Variants in KCNN2 observed in about 807,000 individuals in gnomAD.
KCNN2 encodes the protein small conductance calcium-activated potassium channel protein 2.
Under a neutral mutation model 55.5 loss-of-function variants are expected in KCNN2, and 24 were observed. That is an observed-to-expected ratio of 0.43 (90% CI 0.31 to 0.61). The LOEUF is 0.61. KCNN2 is among the 20% of genes least tolerant of loss of function. The pLI, the probability that KCNN2 is intolerant of heterozygous loss-of-function variation, is 0.08. For synonymous variants in KCNN2, 431 were observed against 336.1 expected (o/e 1.28, Z -3.09); for missense variants, 754 against 853.6 (o/e 0.88, Z 1.45).
chr5:114,338,393 G>T (rs1756958573), intron 2 of KCNN2, among the ~76,000 whole-genome samples: 1 of 152,070 alleles, frequency 6.6e-6, no homozygotes, highest in African/African-American at 2.4e-5. Context: ...TTGAATATTT[G>T]GGGGCAAGCT....
intron 1 of KCNN2, among the ~76,000 whole-genome samples, chr5:114,080,482 G>A (rs1750789716): frequency 6.6e-6 from 1 of 152,046 alleles, no homozygotes; most frequent in African/African-American, 2.4e-5. Context: ...TAGATATAGG[G>A]CTATTCATGT....
At chr5:114,262,481 A>C (rs1050746531) in intron 2 of KCNN2, among the ~76,000 whole-genome samples, 2 of 152,176 alleles carry the variant, frequency 1.3e-5, no homozygotes, top group African/African-American at 4.8e-5. Context: ...AGTAGTCATG[A>C]ATGTGGGTTC....
At chr5:114,159,137 T>G (rs919916349) in intron 1 of KCNN2, among the ~76,000 whole-genome samples, 18 of 152,162 alleles carry the variant, frequency 1.2e-4, no homozygotes, top group East Asian at 5.8e-4. Flanking sequence ...TTGGCTGTGG[T>G]TTTGTCATAG....
chr5:114,331,061 G>A (rs1002529332), intron 2 of KCNN2, among the ~76,000 whole-genome samples: 32 of 152,160 alleles, frequency 2.1e-4, no homozygotes, highest in Non-Finnish European at 1.5e-4. Context: ...CTCCATCACC[G>A]GTTGAAGTGC....
In KCNN2 at chr5:114,312,034, T is replaced by C. The variant is rs1476022613; in HGVS notation, c.-184-48911T>C. Among the ~76,000 whole-genome samples, 13 of 152,102 alleles carry C rather than the reference T, an allele frequency of 8.5e-5. 1 individual carries two copies. Among genetic ancestry groups the C allele is most frequent in the Admixed American group, 8.5e-4 (13 of 15,262 alleles). Reference sequence around the variant, plus strand: ...TACCTGTTATCCACTTCTTTTCATATCAGTGAATCAGGGATCTACCTCTAG... The same window carrying C: ...TACCTGTTATCCACTTCTTTTCATACCAGTGAATCAGGGATCTACCTCTAG... On this transcript the variant is annotated intron_variant, in intron 2 of 10. Coordinates refer to the KCNN2 transcript ENST00000512097.
intron 3 of KCNN2, among the ~76,000 whole-genome samples, chr5:114,420,837 G>T (rs1759451661): frequency 6.6e-6 from 1 of 152,180 alleles, no homozygotes; most frequent in South Asian, 2.1e-4. Context: ...TGATCCTTCA[G>T]ACAGGCTGTA....
intron 4 of KCNN2, among the ~76,000 whole-genome samples, chr5:114,470,739 A>ACT (rs780436873): frequency 5.9e-5 from 9 of 152,170 alleles, no homozygotes; most frequent in Admixed American, 4.6e-4. Context: ...CAGTCAAATG[A>ACT]CTCTTATAAG....
At chr5:114,244,739 G>A (rs539958126) in intron 2 of KCNN2, among the ~76,000 whole-genome samples, 4 of 152,256 alleles carry the variant, frequency 2.6e-5, no homozygotes, top group East Asian at 1.9e-4. Context: ...GAGGACAGTA[G>A]CAGCTTCCTG....
chr5:114,201,321 A>G (rs1753669524), intron 1 of KCNN2, among the ~76,000 whole-genome samples: 1 of 152,114 alleles, frequency 6.6e-6, no homozygotes, highest in Non-Finnish European at 1.5e-5. Context: ...GATAATAACT[A>G]TAAGAGGGTA....
intron 2 of KCNN2, among the ~76,000 whole-genome samples, chr5:114,288,684 C>T (rs1755814000): frequency 6.6e-6 from 1 of 152,088 alleles, no homozygotes; most frequent in African/African-American, 2.4e-5. Flanking sequence ...GAAATGTCTA[C>T]TCAAGCCCTT....
At chr5:114,358,573 T>A (rs1757343272), upstream of KCNN2, among the ~76,000 whole-genome samples, 1 of 152,240 alleles carries the variant, frequency 6.6e-6, no homozygotes, top group Non-Finnish European at 1.5e-5. Context: ...CTCACTTATA[T>A]GCTTTAATGG....
At chr5:114,221,432 G>C (rs184827096) in intron 1 of KCNN2, among the ~76,000 whole-genome samples, 6 of 152,244 alleles carry the variant, frequency 3.9e-5, no homozygotes, top group African/African-American at 1.4e-4. Context: ...TTAAAAGAGA[G>C]AATGAAACAA....
intron 4 of KCNN2, among the ~76,000 whole-genome samples, chr5:114,468,189 A>AACTT (rs1305984547): frequency 1.3e-5 from 2 of 151,872 alleles, no homozygotes; most frequent in Admixed American, 6.6e-5. Flanking sequence ...ACTTCCTTGA[A>AACTT]ACTTATTTAT....
At chr5:114,152,826 G>T (rs1213861476) in intron 1 of KCNN2, among the ~76,000 whole-genome samples, 2 of 152,110 alleles carry the variant, frequency 1.3e-5, no homozygotes, top group Non-Finnish European at 2.9e-5. Flanking sequence ...AAGGCATATG[G>T]TGGGCGGGAG....
At chr5:114,161,291 G>C (rs6863761) in intron 1 of KCNN2, among the ~76,000 whole-genome samples, 2,013 of 151,732 alleles carry the variant, frequency 0.013, 39 homozygotes, top group African/African-American at 0.046. Context: ...GAAATTCTGG[G>C]TTGAAAATTC....
intron 2 of KCNN2, among the ~76,000 whole-genome samples, chr5:114,240,429 T>C (rs1362581320): frequency 7.7e-4 from 3 of 3,904 alleles, no homozygotes; most frequent in Non-Finnish European, 9.2e-4. Context: ...TTCTTTCTCT[T>C]TTTTTTTTTT....
chr5:114,171,874 G>A (rs2112543634), intron 1 of KCNN2, among the ~76,000 whole-genome samples: 1 of 151,948 alleles, frequency 6.6e-6, no homozygotes, highest in South Asian at 2.1e-4. Flanking sequence ...CATGTAGCCT[G>A]AAAGTGAACT....
At chr5:114,151,021 C>T (rs1752510819) in intron 1 of KCNN2, among the ~76,000 whole-genome samples, 1 of 151,842 alleles carries the variant, frequency 6.6e-6, no homozygotes, top group African/African-American at 2.4e-5. Flanking sequence ...AACTGTGTCT[C>T]AAAACAAACA....
At chr5:114,407,127 AT>A (rs1561612093) in intron 3 of KCNN2, among the ~76,000 whole-genome samples, 1 of 152,076 alleles carries the variant, frequency 6.6e-6, no homozygotes, top group African/African-American at 2.4e-5. Flanking sequence ...ACAAGGATGT[AT>A]TTTAATCCAT....
Sources: allele counts gnomAD v4.1 joint callset (sites outside exome capture counted in the v4.1 genomes callset), GRCh38; gene constraint gnomAD v4.1.1; transcripts MANE v1.5; gene names NCBI Gene and HGNC (gene_info 2026-07-23, HGNC 2026-07-21).